Variants in SLCO3A1 observed in about 807,000 individuals in gnomAD.
SLCO3A1 encodes PGE1 transporter.
A neutral mutation model predicts 63.1 loss-of-function variants in SLCO3A1; 27 were observed. The observed-to-expected ratio is 0.43, with a 90% CI of 0.32 to 0.59. The LOEUF (loss-of-function observed/expected upper bound fraction) is 0.59. SLCO3A1 is among the 20% of genes least tolerant of loss of function. SLCO3A1 has a pLI of 0.09. For missense variants in SLCO3A1, 773 were observed against 945.8 expected (o/e 0.82, Z 2.40); for synonymous variants, 473 against 409.9 (o/e 1.15, Z -1.86).
In SLCO3A1 at chr15:91,872,970, C is replaced by T. The variant is rs1897314865; in HGVS notation, c.180+18882C>T. 6.6e-6 allele frequency among the ~76,000 whole-genome samples: 1 copy of T among 152,214 alleles called. No individual in the cohort carries two copies. Among genetic ancestry groups the T allele is most frequent in the East Asian group, 1.9e-4 (1 of 5,188 alleles). ...CCTGCTCCTGGCATGCAGCTACCTG[C>T]GTGCTCAGCACTCACCTGCGTTCCT... On this transcript the variant is annotated intron_variant, in intron 1 of 9. Transcript: ENST00000318445. This position sits in a 1 kb window ranked among gnomAD's most constrained non-coding sequence, Gnocchi z 4.1.
In SLCO3A1 at chr15:91,865,281, T is replaced by C. The variant is rs984879112; in HGVS notation, c.180+11193T>C. Among the ~76,000 whole-genome samples, 8 of 152,222 alleles carry C rather than the reference T, an allele frequency of 5.3e-5. No individual in the cohort carries two copies. Among genetic ancestry groups the C allele is most frequent in the Non-Finnish European group, 1.2e-4 (8 of 68,040 alleles). ...AGGACAGTAGGATTATTCCCTAACA[T>C]TTTCAATATCTCAGATGCTAGACCA... On this transcript the variant is annotated intron_variant, in intron 1 of 9. Coordinates refer to ENST00000318445, the MANE Select transcript of SLCO3A1 (RefSeq NM_013272.4). This position sits in a 1 kb window ranked among gnomAD's most constrained non-coding sequence, Gnocchi z 4.6.
intron 2 of SLCO3A1, among the ~76,000 whole-genome samples, chr15:91,947,157 C>G (rs1442964172): frequency 6.6e-6 from 1 of 152,228 alleles, no homozygotes; most frequent in Non-Finnish European, 1.5e-5. Flanking sequence ...GCAAAGGAAG[C>G]TTCGCTCTTT....
At chr15:92,010,404 G>C (rs762581505) in intron 2 of SLCO3A1, among the ~76,000 whole-genome samples, 69 of 152,154 alleles carry the variant, frequency 4.5e-4, no homozygotes, top group Non-Finnish European at 2.2e-4. Flanking sequence ...ACTGCATTCA[G>C]TCCAGCGTTT....
chr15:92,162,724 C>T (rs2048454680), intron 9 of SLCO3A1, 32 bp from the exon 10 acceptor site: 4 of 1,584,362 alleles, frequency 2.5e-6, no homozygotes, highest in Non-Finnish European at 3.4e-6. Flanking sequence ...GCCACCAGAT[C>T]CAGAACCTTA....
intron 1 of SLCO3A1, among the ~76,000 whole-genome samples, chr15:91,913,094 A>G (rs1449770331): frequency 1.3e-5 from 2 of 152,260 alleles, no homozygotes; most frequent in African/African-American, 4.8e-5. Context: ...AGCCATTTGA[A>G]TGATGCCAGG....
At chr15:92,041,976 G>T (rs2046804842) in intron 2 of SLCO3A1, among the ~76,000 whole-genome samples, 1 of 152,110 alleles carries the variant, frequency 6.6e-6, no homozygotes, top group South Asian at 2.1e-4. Context: ...TGGCCATGAG[G>T]CTCAGCTTCA....
chr15:91,881,209 C>G (rs1026990112), intron 1 of SLCO3A1, among the ~76,000 whole-genome samples: 1 of 152,122 alleles, frequency 6.6e-6, no homozygotes, highest in African/African-American at 2.4e-5. Flanking sequence ...AAACCTGAAC[C>G]CTTATTCTAG....
At chr15:92,151,766 C>T (rs1358192730) in intron 9 of SLCO3A1, among the ~76,000 whole-genome samples, 1 of 152,168 alleles carries the variant, frequency 6.6e-6, no homozygotes, top group Non-Finnish European at 1.5e-5. Context: ...TCACCTTCCC[C>T]AGTGGACTTT....
At chr15:92,048,769 G>A (rs1266203650) in intron 2 of SLCO3A1, among the ~76,000 whole-genome samples, 2 of 152,158 alleles carry the variant, frequency 1.3e-5, no homozygotes, top group Non-Finnish European at 2.9e-5. Context: ...CTAGTGGCGG[G>A]CACCTGTAAT....
At position 92,165,513 on chromosome 15, in the gene SLCO3A1, AAG is replaced by A. The variant is rs146557489; in HGVS notation, c.*2380_*2381del. The stretch of plus-strand genomic sequence containing the variant: ...ACTATTTGCTTTGAGAGAAAAAAAA[AAG>A]AAAGTTTTTTAAACTCTTTGCATTT... On this transcript the variant is annotated 3_prime_UTR_variant, in exon 10 of 10. Coordinates refer to ENST00000318445, the MANE Select transcript of SLCO3A1 (RefSeq NM_013272.4). The A allele has an allele frequency of 0.085, 83,069 of 972,388 alleles. 2,033 individuals are homozygous for A. Among genetic ancestry groups the A allele is most frequent in the East Asian group, 0.26 (2,212 of 8,572 alleles). The allele number at this position is 972,388 out of a possible 1,614,324, so 60.2% of individuals were successfully genotyped here.
rs116113534 is a variant in SLCO3A1, at chr15:92,042,279, C to G, written c.647-52602C>G. On this transcript the variant is annotated intron_variant, in intron 2 of 9. Coordinates refer to ENST00000318445, the MANE Select transcript of SLCO3A1 (RefSeq NM_013272.4). ...CAGGCAGAGGCTGTGCAAACCTACTCAGATCATCTTGCCTAGCGAACTTAA... is the reference window on the plus strand; with the variant it reads ...CAGGCAGAGGCTGTGCAAACCTACTGAGATCATCTTGCCTAGCGAACTTAA... Among the ~76,000 whole-genome samples the G allele has an allele frequency of 4.5e-3, 678 of 152,320 alleles. 7 individuals are homozygous for G. Among genetic ancestry groups the G allele is most frequent in the African/African-American group, 0.015 (625 of 41,576 alleles).
intron 2 of SLCO3A1, among the ~76,000 whole-genome samples, chr15:92,051,387 A>AGAGT (rs1244174686): frequency 6.6e-6 from 1 of 152,164 alleles, no homozygotes; most frequent in African/African-American, 2.4e-5. Context: ...AGGCAGAGCA[A>AGAGT]GAGTGGCTGG....
intron 1 of SLCO3A1, among the ~76,000 whole-genome samples, chr15:91,899,477 G>A (rs755169642): frequency 5.2e-4 from 79 of 152,094 alleles, no homozygotes; most frequent in African/African-American, 1.9e-3. Flanking sequence ...TAAGATGTAT[G>A]TAGTTCCAAC....
chr15:91,943,129 AT>A (rs1899680914), intron 2 of SLCO3A1, among the ~76,000 whole-genome samples: 1 of 152,214 alleles, frequency 6.6e-6, no homozygotes, highest in Non-Finnish European at 1.5e-5. Context: ...CATCTTACCC[AT>A]TTGTAAGTGT....
intron 1 of SLCO3A1, among the ~76,000 whole-genome samples, chr15:91,880,162 C>T (rs34957007): frequency 0.17 from 20,253 of 118,086 alleles, 1,832 homozygotes; most frequent in Middle Eastern, 0.24. Flanking sequence ...TCCATCCATC[C>T]ATCCATCCAT....
intron 1 of SLCO3A1, among the ~76,000 whole-genome samples, chr15:91,905,734 A>G (rs1178968245): frequency 6.6e-6 from 1 of 152,152 alleles, no homozygotes; most frequent in Admixed American, 6.5e-5. Context: ...TGGAAAACTT[A>G]TAAAAGTCTT....
chr15:91,859,090 G>A lies in SLCO3A1; in HGVS notation c.180+5002G>A, dbSNP rs1161098199. ...TATTCTGTACATTGCCGCATGCATT[G>A]CATATTTACATACGTGTTTGTGTAC... On this transcript the variant is annotated intron_variant, in intron 1 of 9. Transcript: ENST00000318445. The surrounding 1 kb of genome is among the most constrained non-coding windows in gnomAD (Gnocchi z 5.1). Among the ~76,000 whole-genome samples the A allele has an allele frequency of 6.6e-6, 1 of 152,208 alleles. No homozygotes were observed. Among genetic ancestry groups the A allele is most frequent in the African/African-American group, 2.4e-5 (1 of 41,454 alleles).
At chr15:92,166,513 C>T (rs932633723), downstream of SLCO3A1, among the ~76,000 whole-genome samples, 4 of 152,180 alleles carry the variant, frequency 2.6e-5, no homozygotes, top group South Asian at 2.1e-4. Context: ...TCCAGTCCCC[C>T]GATTCCACTG....
intron 2 of SLCO3A1, among the ~76,000 whole-genome samples, chr15:91,944,185 C>G (rs1387756851): frequency 6.6e-6 from 1 of 152,106 alleles, no homozygotes; most frequent in African/African-American, 2.4e-5. Flanking sequence ...CAGCCACTGG[C>G]ACATAGGAAG....
Sources: allele counts gnomAD v4.1 joint callset (sites outside exome capture counted in the v4.1 genomes callset), GRCh38; gene constraint gnomAD v4.1.1; non-coding constraint Gnocchi (gnomAD v3.1); transcripts MANE v1.5; gene names NCBI Gene and HGNC (gene_info 2026-07-23, HGNC 2026-07-21).